The following LRRTM4 variants were observed in gnomAD, a reference collection of about 807,000 sequenced individuals.
LRRTM4 encodes leucine-rich repeat transmembrane neuronal protein 4.
LRRTM4 carries 25 observed loss-of-function variants against 47.6 expected under a neutral mutation model. That is an observed-to-expected ratio of 0.53 (90% CI 0.38 to 0.73). The LOEUF (loss-of-function observed/expected upper bound fraction) is 0.73, where lower values mean the gene tolerates loss of function less well. Ranked by LOEUF, LRRTM4 falls within the 30% of genes least tolerant of loss-of-function variation. LRRTM4 has a pLI of 0.00. For missense variants in LRRTM4, 638 were observed against 713.4 expected (o/e 0.89, Z 1.20); for synonymous variants, 311 against 269.5 (o/e 1.15, Z -1.51).
At chr2:77,006,289 A>G in intron 3 of LRRTM4, among the ~76,000 whole-genome samples, 1 of 152,162 alleles carries the variant, frequency 6.6e-6, no homozygotes, top group East Asian at 1.9e-4. Flanking sequence ...AGGAATTACA[A>G]TAATTTCGAA....
chr2:77,278,554 A>C (rs989805311), intron 3 of LRRTM4, among the ~76,000 whole-genome samples: 1 of 151,994 alleles, frequency 6.6e-6, no homozygotes. Flanking sequence ...AAAAATTCCC[A>C]AAACTGATGT....
chr2:77,378,161 T>G (rs1188466599), intron 3 of LRRTM4, among the ~76,000 whole-genome samples: 1 of 151,990 alleles, frequency 6.6e-6, no homozygotes, highest in Non-Finnish European at 1.5e-5. Flanking sequence ...TTTCAATCTT[T>G]TTTTTCTCTT....
chr2:77,047,645 T>C (rs201353423), intron 3 of LRRTM4, among the ~76,000 whole-genome samples: 16 of 152,204 alleles, frequency 1.1e-4, no homozygotes, highest in South Asian at 2.1e-4. Context: ...ACCAGTCATA[T>C]TGGATTAATG....
chr2:77,181,349 A>C (rs376838330), intron 3 of LRRTM4, among the ~76,000 whole-genome samples: 1 of 152,170 alleles, frequency 6.6e-6, no homozygotes, highest in African/African-American at 2.4e-5. Context: ...CAGTATCACT[A>C]AAGACTTAGA....
At chr2:77,232,943 T>C (rs1418022852) in intron 3 of LRRTM4, among the ~76,000 whole-genome samples, 1 of 152,158 alleles carries the variant, frequency 6.6e-6, no homozygotes, top group Non-Finnish European at 1.5e-5. Context: ...TACTTGACTT[T>C]AGAAAATGTG....
At chr2:77,253,546 A>C (rs1397580754) in intron 3 of LRRTM4, among the ~76,000 whole-genome samples, 1 of 152,146 alleles carries the variant, frequency 6.6e-6, no homozygotes, top group Non-Finnish European at 1.5e-5. Flanking sequence ...TTTAAAAAAT[A>C]CCTTGACATA....
At chr2:77,046,717 G>C (rs1679248394) in intron 3 of LRRTM4, among the ~76,000 whole-genome samples, 1 of 151,926 alleles carries the variant, frequency 6.6e-6, no homozygotes, top group Non-Finnish European at 1.5e-5. Context: ...TAGAGAAAAA[G>C]GCAGAAGGAG....
intron 3 of LRRTM4, among the ~76,000 whole-genome samples, chr2:77,261,256 C>T (rs932314736): frequency 2.0e-5 from 3 of 152,062 alleles, no homozygotes; most frequent in African/African-American, 7.2e-5. Flanking sequence ...GGTAAATTTA[C>T]ACTCACCAAA....
rs545678051 is a variant in LRRTM4 at position 76,849,485 on chromosome 2, T to C, written c.1552-100569A>G. Among the ~76,000 whole-genome samples, 440 of 152,118 alleles carry C rather than the reference T, an allele frequency of 2.9e-3. 3 individuals carry two copies. Among genetic ancestry groups the C allele is most frequent in the African/African-American group, 9.7e-3 (403 of 41,534 alleles). ...ATAAAATATACTCCCTCAGAACAAA[T>C]TGTCAAAAATAAATTTTATATATTA... On this transcript the variant is annotated intron_variant, in intron 3 of 3. Coordinates refer to ENST00000409884, the MANE Select transcript of LRRTM4 (RefSeq NM_001134745.3).
At chr2:76,964,862 T>C (rs868197878) in intron 3 of LRRTM4, among the ~76,000 whole-genome samples, 14 of 150,894 alleles carry the variant, frequency 9.3e-5, no homozygotes, top group Middle Eastern at 3.4e-3. Context: ...AACTAGGCCC[T>C]TTGTAATTTT....
chr2:77,018,693 A>T (rs1411212790), intron 3 of LRRTM4, among the ~76,000 whole-genome samples: 3 of 152,202 alleles, frequency 2.0e-5, no homozygotes, highest in Non-Finnish European at 4.4e-5. Context: ...AGTACAGCTG[A>T]AGGTTTACCA....
chr2:76,831,626 T>C (rs997056778), intron 3 of LRRTM4, among the ~76,000 whole-genome samples: 7 of 152,134 alleles, frequency 4.6e-5, no homozygotes, highest in African/African-American at 1.4e-4. Context: ...TGACTTGAAA[T>C]GGTTTACTCC....
At chr2:77,192,299 A>G (rs1182428999) in intron 3 of LRRTM4, among the ~76,000 whole-genome samples, 1 of 152,056 alleles carries the variant, frequency 6.6e-6, no homozygotes, top group Non-Finnish European at 1.5e-5. Flanking sequence ...ATTGACCAGA[A>G]TGTTAACTTA....
In LRRTM4 at chr2:76,938,127, G is replaced by T. The variant is rs181927675; in HGVS notation, c.1552-189211C>A. Among the ~76,000 whole-genome samples, 324 of 151,828 alleles carry T rather than the reference G, an allele frequency of 2.1e-3. 1 individual carries two copies. Among genetic ancestry groups the T allele is most frequent in the Non-Finnish European group, 3.3e-3 (223 of 67,930 alleles). On this transcript the variant is annotated intron_variant, in intron 3 of 3. Coordinates refer to ENST00000409884, the MANE Select transcript of LRRTM4 (RefSeq NM_001134745.3). ...ACTTTCTGATGAAAAAAATTCTACT[G>T]ATTGGTAGTTGCACATTATTAGTTC...
At chr2:77,167,947 T>C (rs1031898377) in intron 3 of LRRTM4, among the ~76,000 whole-genome samples, 25 of 152,126 alleles carry the variant, frequency 1.6e-4, no homozygotes, top group African/African-American at 6.0e-4. Context: ...ACTTAAAGTA[T>C]AATGATAATA....
chr2:76,910,987 A>T (rs1037701993), intron 3 of LRRTM4, among the ~76,000 whole-genome samples: 1 of 152,244 alleles, frequency 6.6e-6, no homozygotes, highest in African/African-American at 2.4e-5. Context: ...GGATTGCTGA[A>T]CACTAATGCA....
At position 77,499,125 on chromosome 2, in the gene LRRTM4, C is replaced by A. The variant is rs563253782; in HGVS notation, c.1551+19193G>T. ...TTTGCTTACCCAGAGGGTTAATTGG[C>A]AATATCTGGAGACACCATTGGTTGT... is the stretch of plus-strand genomic sequence containing the variant. On this transcript the variant is annotated intron_variant, in intron 3 of 3. Coordinates refer to ENST00000409884, the MANE Select transcript of LRRTM4 (RefSeq NM_001134745.3). 3.9e-5 allele frequency among the ~76,000 whole-genome samples: 6 copies of A among 151,910 alleles called. No homozygotes were observed. In the East Asian group the frequency reaches 9.7e-4, roughly 24 times the overall value.
chr2:77,486,921 T>C (rs989265479), intron 3 of LRRTM4, among the ~76,000 whole-genome samples: 1 of 152,238 alleles, frequency 6.6e-6, no homozygotes, highest in African/African-American at 2.4e-5. Context: ...ATCAGAGATA[T>C]TACATGCAGA....
chr2:77,486,010 A>G (rs978927571), intron 3 of LRRTM4, among the ~76,000 whole-genome samples: 1 of 151,986 alleles, frequency 6.6e-6, no homozygotes, highest in Admixed American at 6.6e-5. Flanking sequence ...GAGTGCTAGG[A>G]TTACAGGTGT....
Sources: gnomAD v4.1 joint callset for allele counts (sites outside exome capture counted in the v4.1 genomes callset) on GRCh38, gnomAD v4.1.1 for gene constraint, MANE v1.5 for transcripts, NCBI Gene and HGNC (gene_info 2026-07-23, HGNC 2026-07-21) for gene names.